GLTP: variants seen among roughly 807,000 people sequenced by gnomAD.
GLTP encodes glycolipid transfer protein.
A neutral mutation model predicts 24.0 loss-of-function variants in GLTP; 22 were observed. That is an observed-to-expected ratio of 0.92 (90% CI 0.65 to 1.31). GLTP has a LOEUF of 1.31. GLTP is among the 50% of genes most tolerant of loss of function. GLTP has a pLI of 0.00. For synonymous variants in GLTP, 92 were observed against 115.9 expected (o/e 0.79, Z 1.33); for missense variants, 224 against 276.6 (o/e 0.81, Z 1.35).
intron 1 of GLTP, among the ~76,000 whole-genome samples, chr12:109,879,602 C>T (rs1256242755): frequency 6.6e-6 from 1 of 152,184 alleles, no homozygotes; most frequent in Non-Finnish European, 1.5e-5. Context: ...ACCCTCACCC[C>T]TGTCCTAAAA....
chr12:109,856,322 G>A (rs1892795007), intron 3 of GLTP, among the ~76,000 whole-genome samples: 1 of 152,194 alleles, frequency 6.6e-6, no homozygotes. Context: ...TCCTCAAGGG[G>A]CAGGGTGATG....
In GLTP at chr12:109,880,228, G is replaced by A; in HGVS notation, c.103+44C>T. 1 of 1,154,450 alleles carries A rather than the reference G, an allele frequency of 8.7e-7. No homozygotes were observed. The highest frequency in any genetic ancestry group is 1.5e-5 in the African/African-American group (1 of 65,520). 71.5% of individuals were successfully genotyped at this position (1,154,450 alleles called of 1,614,324 possible). A position where few individuals can be genotyped will look rare whatever the true frequency, so the allele number is the denominator to read the frequency against. On this transcript the variant is annotated intron_variant, in intron 1 of 4. Transcript: ENST00000318348. The surrounding 1 kb of genome is among the most constrained non-coding windows in gnomAD (Gnocchi z 5.1). ...TGCTCGGGGGAAGGAGGATTCGGGT[G>A]CGCGTGGGGCTGCGGGCCGCCTCCC... is the stretch of plus-strand genomic sequence containing the variant.
chr12:109,862,412 G>A (rs951256177), intron 1 of GLTP, among the ~76,000 whole-genome samples: 4 of 152,106 alleles, frequency 2.6e-5, no homozygotes, highest in Non-Finnish European at 4.4e-5. Context: ...TAATAACGCC[G>A]GAGCCAAGAT....
At chr12:109,862,155 T>TCAGAGGTGCTGCGC (rs1319303426) in intron 1 of GLTP, among the ~76,000 whole-genome samples, 15 of 152,260 alleles carry the variant, frequency 9.9e-5, no homozygotes, top group African/African-American at 3.6e-4. Context: ...CAGAGGCTGC[T>TCAGAGGTGCTGCGC]CAGAGGTGCT....
chr12:109,868,096 C>T (rs575014576), intron 1 of GLTP, among the ~76,000 whole-genome samples: 63 of 152,332 alleles, frequency 4.1e-4, no homozygotes, highest in African/African-American at 1.2e-3. Context: ...CTTTGACCTC[C>T]GAGGCTCAAG....
At chr12:109,859,147 TG>T (rs1203917210) in intron 1 of GLTP, among the ~76,000 whole-genome samples, 1 of 152,196 alleles carries the variant, frequency 6.6e-6, no homozygotes, top group Non-Finnish European at 1.5e-5. Flanking sequence ...CTCGACCTCC[TG>T]GGTTCAAGCC....
chr12:109,871,141 T>C (rs1868708656), intron 1 of GLTP, among the ~76,000 whole-genome samples: 1 of 148,186 alleles, frequency 6.7e-6, no homozygotes. Flanking sequence ...GCTGGAGTAG[T>C]GGCGTGATCT....
In GLTP at chr12:109,855,328, C is replaced by G. The variant is rs1010785479; in HGVS notation, c.447+291G>C. Among the ~76,000 whole-genome samples the G allele has an allele frequency of 6.6e-6, 1 of 152,230 alleles. No individual in the cohort carries two copies. Among genetic ancestry groups the G allele is most frequent in the African/African-American group, 2.4e-5 (1 of 41,468 alleles). ...GACCTGGGGTCCTCCAGGGCTTTCC[C>G]TGTGGTTTCTCGTCGCCCCACCATC... is the stretch of plus-strand genomic sequence containing the variant. On this transcript the variant is annotated intron_variant, in intron 4 of 4. Coordinates refer to ENST00000318348, the MANE Select transcript of GLTP (RefSeq NM_016433.4). This position sits in a 1 kb window ranked among gnomAD's most constrained non-coding sequence, Gnocchi z 4.1.
intron 1 of GLTP, among the ~76,000 whole-genome samples, chr12:109,859,502 G>C (rs946897961): frequency 6.7e-6 from 1 of 150,020 alleles, no homozygotes; most frequent in Non-Finnish European, 1.5e-5. Flanking sequence ...CTGGGAAACA[G>C]AGCGAGACTC....
intron 3 of GLTP, among the ~76,000 whole-genome samples, chr12:109,856,043 C>G (rs1892791763): frequency 6.6e-6 from 1 of 152,128 alleles, no homozygotes; most frequent in African/African-American, 2.4e-5. Flanking sequence ...GGGTCTGGGC[C>G]TGCCTTGTCC....
chr12:109,864,041 C>A (rs1485095237), intron 1 of GLTP, among the ~76,000 whole-genome samples: 1 of 152,202 alleles, frequency 6.6e-6, no homozygotes, highest in Non-Finnish European at 1.5e-5. Context: ...ACGAGGCCAC[C>A]ATGGTCAGCA....
At chr12:109,858,292 T>G in intron 2 of GLTP, 1 of 450,962 alleles carries the variant, frequency 2.2e-6, no homozygotes, top group Non-Finnish European at 4.4e-6. Context: ...GGGCCCTAGG[T>G]GGATTCTCAC....
intron 1 of GLTP, among the ~76,000 whole-genome samples, chr12:109,865,913 G>T (rs1000249621): frequency 6.6e-6 from 1 of 152,130 alleles, no homozygotes; most frequent in African/African-American, 2.4e-5. Context: ...CAACTCAGAA[G>T]GCACAAGGAA....
chr12:109,871,410 A>G (rs760906934), intron 1 of GLTP, among the ~76,000 whole-genome samples: 1 of 152,130 alleles, frequency 6.6e-6, no homozygotes, highest in East Asian at 1.9e-4. Context: ...TAAGAAGCTC[A>G]TTGAAATAAT....
Position 109,852,739 on chromosome 12 carries a change from T to C in GLTP, c.448-2A>G, listed in dbSNP as rs1892743826. ...ATAGGGTGCTGCGTACAGTGCTGCC[T>C]TGAGACAGGCAAGAAGGGAGGTAGG... On this transcript the variant is annotated splice_acceptor_variant, in intron 4 of 4. Coordinates refer to ENST00000318348, the MANE Select transcript of GLTP (RefSeq NM_016433.4). LOFTEE classifies it high-confidence loss of function. 1 of 1,606,938 alleles carries C rather than the reference T, an allele frequency of 6.2e-7. No individual in the cohort carries two copies. Among genetic ancestry groups the C allele is most frequent in the Non-Finnish European group, 8.5e-7 (1 of 1,174,156 alleles).
At chr12:109,870,483 A>G (rs1374831496) in intron 1 of GLTP, among the ~76,000 whole-genome samples, 1 of 151,818 alleles carries the variant, frequency 6.6e-6, no homozygotes, top group Non-Finnish European at 1.5e-5. Flanking sequence ...AATAAAATAA[A>G]ATAAAATAAA....
chr12:109,857,021 G>A lies in GLTP; in HGVS notation c.296+505C>T, dbSNP rs561535571. Among the ~76,000 whole-genome samples the A allele has an allele frequency of 1.1e-4, 17 of 152,088 alleles. No homozygotes were observed. The highest frequency in any genetic ancestry group is 2.6e-4 in the Admixed American group (4 of 15,258). On this transcript the variant is annotated intron_variant, in intron 3 of 4. Transcript: ENST00000318348. This position sits in a 1 kb window ranked among gnomAD's most constrained non-coding sequence, Gnocchi z 4.3. ...TGCACTCCAGCCTGGGTAACAGAAC[G>A]GGATTCTAAAAATAAAAAATAGAAG...
intron 1 of GLTP, among the ~76,000 whole-genome samples, chr12:109,867,934 C>T (rs1017697295): frequency 6.8e-6 from 1 of 146,868 alleles, no homozygotes; most frequent in Admixed American, 6.9e-5. Flanking sequence ...CCCGCCACCA[C>T]GCCTGGCTAA....
At chr12:109,873,670 G>A (rs1377623317) in intron 1 of GLTP, among the ~76,000 whole-genome samples, 1 of 147,756 alleles carries the variant, frequency 6.8e-6, no homozygotes, top group African/African-American at 2.5e-5. Context: ...AGAGTTGAGC[G>A]CCGTGGCACA....
Sources: gnomAD v4.1 joint callset for allele counts (sites outside exome capture counted in the v4.1 genomes callset) on GRCh38, gnomAD v4.1.1 for gene constraint, Gnocchi (gnomAD v3.1) non-coding constraint, MANE v1.5 for transcripts, NCBI Gene and HGNC (gene_info 2026-07-23, HGNC 2026-07-21) for gene names.